SSBP1: variants seen among roughly 807,000 people sequenced by gnomAD.
The protein encoded by SSBP1 is single stranded DNA binding protein 1.
A neutral mutation model predicts 27.0 loss-of-function variants in SSBP1; 20 were observed. The observed-to-expected ratio is 0.74, with a 90% CI of 0.52 to 1.08. The LOEUF (loss-of-function observed/expected upper bound fraction) is 1.08, where lower values mean the gene tolerates loss of function less well. Ranked by LOEUF, SSBP1 falls within the 50% of genes least tolerant of loss-of-function variation. SSBP1 has a pLI of 0.00. For missense variants in SSBP1, 137 were observed against 182.4 expected, an observed-to-expected ratio of 0.75 and a Z score of 1.44; for synonymous variants, 59 against 59.3, an observed-to-expected ratio of 1.00 and a Z score of 0.02.
chr7:141,739,604 C>T (rs7784221), intron 2 of SSBP1: 66,382 of 157,840 alleles, frequency 0.42, 14,936 homozygotes, highest in East Asian at 0.68. Flanking sequence ...AAGAGAGCAT[C>T]TCAAGTCTCA....
At chr7:141,740,831 A>G (rs1171213577) in intron 2 of SSBP1, 1 of 152,224 alleles carries the variant, frequency 6.6e-6, no homozygotes, top group Non-Finnish European at 1.5e-5. Flanking sequence ...AATTTTTGCA[A>G]TAGCCTTGTG....
At position 141,750,331 on chromosome 7, in the gene SSBP1, G is replaced by T; in HGVS notation, c.424G>T (p.Asp142Tyr). ...TACAGATAATATTATATTTCTGAGT[G>T]ACCAGACGAAAGAGAAGGAGTAGAA... Reference protein sequence around the residue: ...IIADNIIFLSDQTKEKE With the variant: ...IIADNIIFLSYQTKEKE Residue 142 changes from aspartate to tyrosine, a missense_variant, in exon 7 of 7, where the codon GAC becomes TAC. Asp to Tyr is a radical substitution (Grantham distance 160). This residue lies in a region of SSBP1 where 95 missense variants were observed against 152.0 expected (regional missense o/e 0.62). Coordinates refer to ENST00000265304, the MANE Select transcript of SSBP1 (RefSeq NM_003143.3). 1.9e-6 allele frequency: 3 copies of T among 1,599,710 alleles called. No individual in the cohort carries two copies. The South Asian group carries it at 3.4e-5, about 18-fold the overall frequency.
intron 6 of SSBP1, chr7:141,745,855 G>A (rs549911986): frequency 1.8e-5 from 20 of 1,140,950 alleles, no homozygotes; most frequent in Non-Finnish European, 2.0e-5. Flanking sequence ...AGTACTTATT[G>A]TTGAGAATTA....
intron 6 of SSBP1, among the ~76,000 whole-genome samples, chr7:141,748,799 A>AT (rs1036937643): frequency 9.2e-5 from 14 of 151,602 alleles, no homozygotes; most frequent in African/African-American, 1.9e-4. Flanking sequence ...TTTATTGGTG[A>AT]TTTTTTTTTC....
Position 141,739,112 on chromosome 7 carries a change from T to G in SSBP1, c.-43-12T>G. ...GGTAATGTTTTTTTCTTATTTTGTT[T>G]TTTTCCTTCAGGAAAAGCCTAAAGA... On this transcript the variant is annotated splice_polypyrimidine_tract_variant and intron_variant, in intron 1 of 6. Coordinates refer to ENST00000265304, the MANE Select transcript of SSBP1 (RefSeq NM_003143.3). 2 of 1,524,514 alleles carry G rather than the reference T, an allele frequency of 1.3e-6. No homozygotes were observed. The highest frequency in any genetic ancestry group is 1.8e-6 in the Non-Finnish European group (2 of 1,130,700). 94.4% of individuals were successfully genotyped at this position (1,524,514 alleles called of 1,614,324 possible). A position where few individuals can be genotyped will look rare whatever the true frequency, so the allele number is the denominator to read the frequency against.
intron 6 of SSBP1, 24 bp downstream of exon 6, chr7:141,745,608 G>T (rs1373690848): frequency 6.2e-7 from 1 of 1,611,932 alleles, no homozygotes; most frequent in Non-Finnish European, 8.5e-7. Flanking sequence ...GAAAATAGCT[G>T]TTTTTTTCTT....
chr7:141,740,535 T>G (rs1348706323), intron 2 of SSBP1: 1 of 152,222 alleles, frequency 6.6e-6, no homozygotes. Flanking sequence ...CTCTCTGAGG[T>G]GTTTTCTCAG....
At chr7:141,743,750 T>TC in intron 4 of SSBP1, 49 bp downstream of exon 4, 6 of 1,582,350 alleles carry the variant, frequency 3.8e-6, no homozygotes, top group Non-Finnish European at 4.3e-6. Context: ...TAAATAGATA[T>TC]TATTTATTGC....
chr7:141,741,775 C>T, intron 2 of SSBP1: 1 of 997,366 alleles, frequency 1.0e-6, no homozygotes, highest in Non-Finnish European at 1.2e-6. Context: ...TTTGAAAATA[C>T]TTGGCAGCAA....
chr7:141,750,488 C>T lies in SSBP1; in HGVS notation c.*134C>T, dbSNP rs763740820. The T allele has an allele frequency of 2.4e-5, 17 of 697,346 alleles. No individual in the cohort carries two copies. The highest frequency in any genetic ancestry group is 6.0e-5 in the East Asian group (2 of 33,240). 43.2% of individuals were successfully genotyped at this position (697,346 alleles called of 1,614,324 possible). A position where few individuals can be genotyped will look rare whatever the true frequency, so the allele number is the denominator to read the frequency against. Reference sequence around the variant, plus strand: ...GAGTAATAATCTTTTTTCTGACTGTCGTTCTCGCTCTCCTTTTTGTGGTAT... The same window carrying T: ...GAGTAATAATCTTTTTTCTGACTGTTGTTCTCGCTCTCCTTTTTGTGGTAT... On this transcript the variant is annotated 3_prime_UTR_variant, in exon 7 of 7. Coordinates refer to ENST00000265304, the MANE Select transcript of SSBP1 (RefSeq NM_003143.3).
intron 2 of SSBP1, chr7:141,740,932 T>G (rs1799503273): frequency 6.6e-6 from 1 of 152,236 alleles, no homozygotes; most frequent in Non-Finnish European, 1.5e-5. Flanking sequence ...TTTTAAGGTC[T>G]GAAGGAGCAA....
At chr7:141,739,816 G>A (rs1237212440) in intron 2 of SSBP1, 1 of 152,132 alleles carries the variant, frequency 6.6e-6, no homozygotes, top group Non-Finnish European at 1.5e-5. Flanking sequence ...TGAAGAACCA[G>A]TTCCTCCATG....
intron 3 of SSBP1, among the ~76,000 whole-genome samples, chr7:141,743,096 G>T (rs548798778): frequency 2.0e-5 from 3 of 152,080 alleles, no homozygotes; most frequent in Non-Finnish European, 2.9e-5. Flanking sequence ...CTTGTGATCC[G>T]CCCGCCTTGG....
At chr7:141,743,466 AG>A in intron 3 of SSBP1, 94 bp from the exon 4 acceptor site, 1 of 1,413,724 alleles carries the variant, frequency 7.1e-7, no homozygotes, top group Non-Finnish European at 9.7e-7. Context: ...CATTACATTG[AG>A]GGTTAGAGCT....
rs1254783516 is a variant in SSBP1, at chr7:141,743,800, C to T, written c.226+99C>T. Reference sequence around the variant, plus strand: ...AGAGATAAACCACTTTAAACAAGATCTGTCTTTCATTCTGTTTGTTCTCTT... The same window carrying T: ...AGAGATAAACCACTTTAAACAAGATTTGTCTTTCATTCTGTTTGTTCTCTT... On this transcript the variant is annotated intron_variant, in intron 4 of 6. Transcript: ENST00000265304. 11 of 1,537,380 alleles carry T rather than the reference C, an allele frequency of 7.2e-6. No homozygotes were observed. The East Asian group carries it at 2.0e-4, about 28-fold the overall frequency.
In SSBP1 at chr7:141,743,717, T is replaced by A; in HGVS notation, c.226+16T>A. 6.2e-7 allele frequency: 1 copy of A among 1,610,108 alleles called. No homozygotes were observed. The highest frequency in any genetic ancestry group is 8.5e-7 in the Non-Finnish European group (1 of 1,178,150). On this transcript the variant is annotated intron_variant, in intron 4 of 6. Transcript: ENST00000265304. ...TACCAACTGGGTGAGTACAAAAGAC[T>A]GGGGTTTTAATTTTATCAGCAATAA...
intron 3 of SSBP1, among the ~76,000 whole-genome samples, chr7:141,742,504 C>T (rs1186221464): frequency 3.3e-5 from 5 of 152,036 alleles, no homozygotes; most frequent in Non-Finnish European, 5.9e-5. Context: ...TGAGTCTTCC[C>T]GGGTTATGTT....
intron 2 of SSBP1, chr7:141,739,606 C>G (rs1799438703): frequency 6.4e-6 from 1 of 157,056 alleles, no homozygotes; most frequent in Non-Finnish European, 1.4e-5. Flanking sequence ...GAGAGCATCT[C>G]AAGTCTCAGT....
chr7:141,747,760 A>G (rs1380050435), intron 6 of SSBP1, among the ~76,000 whole-genome samples: 2 of 150,720 alleles, frequency 1.3e-5, no homozygotes, highest in Non-Finnish European at 3.0e-5. Flanking sequence ...GGCCTTTGGG[A>G]GGCTGAGGTG....
Sources: allele counts gnomAD v4.1 joint callset (sites outside exome capture counted in the v4.1 genomes callset), GRCh38; gene constraint gnomAD v4.1.1; regional missense constraint gnomAD v4.1.1; transcripts MANE v1.5; gene names NCBI Gene and HGNC (gene_info 2026-07-23, HGNC 2026-07-21).